LOC128092252: variants seen among roughly 807,000 people sequenced by gnomAD.
At chr15:50,686,090 T>C in the LOC128092252 span, among the ~76,000 whole-genome samples, 78 of 152,332 alleles carry the variant, frequency 5.1e-4, no homozygotes, top group Non-Finnish European at 7.8e-4. Flanking sequence ...CCTCCCTCCC[T>C]TTTTTCCATG....
chr15:50,657,368 C>G, the LOC128092252 span, among the ~76,000 whole-genome samples: 1 of 152,122 alleles, frequency 6.6e-6, no homozygotes, highest in African/African-American at 2.4e-5. Flanking sequence ...ATTGCCTGTA[C>G]AATATCCTTT....
the LOC128092252 span, among the ~76,000 whole-genome samples, chr15:50,653,634 C>T: frequency 6.6e-6 from 1 of 152,146 alleles, no homozygotes; most frequent in Non-Finnish European, 1.5e-5. Flanking sequence ...ATAGAGATGA[C>T]ACCTAGGCAG....
chr15:50,656,338 T>G, the LOC128092252 span, among the ~76,000 whole-genome samples: 1 of 151,996 alleles, frequency 6.6e-6, no homozygotes, highest in East Asian at 1.9e-4. Context: ...CTTGCTCTGT[T>G]GCCCAGGCAG....
At chr15:50,678,002 G>A in the LOC128092252 span, among the ~76,000 whole-genome samples, 3,070 of 151,926 alleles carry the variant, frequency 0.02, 119 homozygotes, top group African/African-American at 0.071. Context: ...CACTTTGGGA[G>A]GCCGAGGCGG....
At chr15:50,658,013 T>C in the LOC128092252 span, among the ~76,000 whole-genome samples, 1 of 151,422 alleles carries the variant, frequency 6.6e-6, no homozygotes, top group Admixed American at 6.6e-5. Flanking sequence ...CAATTTTTTT[T>C]TTTTTTTTTG....
chr15:50,663,688 C>T, the LOC128092252 span, among the ~76,000 whole-genome samples: 2 of 152,142 alleles, frequency 1.3e-5, no homozygotes, highest in African/African-American at 2.4e-5. Flanking sequence ...ACAACTAGCT[C>T]GGCACAGTAG....
At chr15:50,664,040 G>A in the LOC128092252 span, among the ~76,000 whole-genome samples, 93 of 152,136 alleles carry the variant, frequency 6.1e-4, no homozygotes, top group African/African-American at 2.2e-3. Flanking sequence ...TGGCTCACAC[G>A]TATAATCCCA....
the LOC128092252 span, among the ~76,000 whole-genome samples, chr15:50,655,109 C>G: frequency 7.1e-6 from 1 of 141,706 alleles, no homozygotes; most frequent in South Asian, 2.2e-4. Context: ...TTATTCAATA[C>G]ATCAGATAAA....
chr15:50,680,049 C>A, the LOC128092252 span, among the ~76,000 whole-genome samples: 6 of 151,956 alleles, frequency 3.9e-5, no homozygotes, highest in African/African-American at 1.5e-4. Flanking sequence ...GCCTGGTCAA[C>A]ATGGTGAAAC....
At chr15:50,664,702 C>T in the LOC128092252 span, among the ~76,000 whole-genome samples, 1 of 152,196 alleles carries the variant, frequency 6.6e-6, no homozygotes, top group African/African-American at 2.4e-5. Context: ...CATGGTGGCT[C>T]ACGCCTGTAA....
At chr15:50,678,246 AAAAAACAAAAACAAAAAC>A in the LOC128092252 span, among the ~76,000 whole-genome samples, 51 of 142,504 alleles carry the variant, frequency 3.6e-4, 1 homozygote, top group Non-Finnish European at 7.2e-4. Flanking sequence ...TCTCAAAAAA[AAAAAACAAAAACAAAAAC>A]AAAAACAAAA....
the LOC128092252 span, among the ~76,000 whole-genome samples, chr15:50,680,021 G>A: frequency 6.6e-6 from 1 of 151,992 alleles, no homozygotes; most frequent in Non-Finnish European, 1.5e-5. Context: ...ATCACTTGAG[G>A]TCAGGAGTTC....
the LOC128092252 span, among the ~76,000 whole-genome samples, chr15:50,674,278 C>T: frequency 1.3e-5 from 2 of 152,088 alleles, no homozygotes; most frequent in African/African-American, 4.8e-5. Flanking sequence ...CGTGAGCCAC[C>T]ATGCCCAGAA....
the LOC128092252 span, among the ~76,000 whole-genome samples, chr15:50,678,517 A>AAAAAAT: frequency 4.5e-5 from 6 of 132,720 alleles, no homozygotes; most frequent in African/African-American, 1.7e-4. Flanking sequence ...AAAAAAAAAA[A>AAAAAAT]ATATATATAT....
At chr15:50,675,672 T>G in the LOC128092252 span, among the ~76,000 whole-genome samples, 1 of 152,248 alleles carries the variant, frequency 6.6e-6, no homozygotes, top group South Asian at 2.1e-4. Flanking sequence ...ATAAAAATCC[T>G]AGTTTTATAC....
chr15:50,679,528 ATATATATATATT>A, the LOC128092252 span, among the ~76,000 whole-genome samples: 2 of 47,382 alleles, frequency 4.2e-5, no homozygotes, highest in African/African-American at 2.1e-4. Context: ...ATATATATAT[ATATATATATATT>A]TTTTTTTTTT....
At chr15:50,672,230 T>C in the LOC128092252 span, among the ~76,000 whole-genome samples, 1 of 152,076 alleles carries the variant, frequency 6.6e-6, no homozygotes, top group Non-Finnish European at 1.5e-5. Flanking sequence ...ATTTTTTGTA[T>C]TTTTAGTAGA....
At chr15:50,672,667 T>C in the LOC128092252 span, among the ~76,000 whole-genome samples, 7 of 151,972 alleles carry the variant, frequency 4.6e-5, no homozygotes, top group East Asian at 9.7e-4. Flanking sequence ...CCCAGCACTT[T>C]GGGAGGCTGA....
At chr15:50,657,215 TC>T in the LOC128092252 span, among the ~76,000 whole-genome samples, 1 of 152,072 alleles carries the variant, frequency 6.6e-6, no homozygotes, top group Non-Finnish European at 1.5e-5. Context: ...TCCCAGCTAC[TC>T]GGGAGGCTGA....
Sources: gnomAD v4.1 joint callset for allele counts (sites outside exome capture counted in the v4.1 genomes callset) on GRCh38, gnomAD v4.1.1 for gene constraint, MANE v1.5 for transcripts.